Variants in LRRC75A observed in about 807,000 individuals in gnomAD.
LRRC75A encodes the protein leucine-rich repeat-containing protein 75A.
Under a neutral mutation model 26.0 loss-of-function variants are expected in LRRC75A, and 12 were observed. The ratio of observed to expected loss-of-function variants is 0.46; its 90% CI spans 0.30 to 0.75. LRRC75A has a LOEUF of 0.75. Ranked by LOEUF, LRRC75A falls within the 30% of genes least tolerant of loss-of-function variation. The pLI, the probability that LRRC75A is intolerant of heterozygous loss-of-function variation, is 0.08. For missense variants in LRRC75A, 410 were observed against 486.6 expected (o/e 0.84, Z 1.48); for synonymous variants, 223 against 219.3 (o/e 1.02, Z -0.15).
intron 3 of LRRC75A, chr17:16,446,962 A>G (rs113956786): frequency 6.5e-5 from 24 of 371,678 alleles, no homozygotes; most frequent in African/African-American, 4.5e-4. Flanking sequence ...CCAGAACAGA[A>G]GGAGGCACCA....
intron 1 of LRRC75A, among the ~76,000 whole-genome samples, chr17:16,480,050 G>T (rs574662649): frequency 6.6e-6 from 1 of 152,180 alleles, no homozygotes; most frequent in South Asian, 2.1e-4. Context: ...ACCTGCACAC[G>T]TGAGGGATCT....
At chr17:16,455,774 G>A (rs73980134) in intron 2 of LRRC75A, among the ~76,000 whole-genome samples, 2,315 of 152,330 alleles carry the variant, frequency 0.015, 58 homozygotes, top group African/African-American at 0.052. Flanking sequence ...CTCCCAGCTT[G>A]TAAGACGGAG....
At chr17:16,481,157 G>C (rs1361396042) in intron 1 of LRRC75A, among the ~76,000 whole-genome samples, 1 of 152,214 alleles carries the variant, frequency 6.6e-6, no homozygotes, top group African/African-American at 2.4e-5. Flanking sequence ...CCTCAGCGCT[G>C]CCTGTCCTCT....
chr17:16,445,994 C>T (rs143174328), intron 3 of LRRC75A, among the ~76,000 whole-genome samples: 4 of 152,278 alleles, frequency 2.6e-5, no homozygotes, highest in East Asian at 3.9e-4. Context: ...CTGCAACTTC[C>T]GCCTCCCAGG....
chr17:16,480,651 A>AC (rs1653549709), intron 1 of LRRC75A, among the ~76,000 whole-genome samples: 1 of 151,750 alleles, frequency 6.6e-6, no homozygotes, highest in Non-Finnish European at 1.5e-5. Flanking sequence ...AACAAAAAAA[A>AC]AAAACTGGAG....
chr17:16,446,598 G>A (rs777868637), intron 3 of LRRC75A, among the ~76,000 whole-genome samples: 10 of 152,214 alleles, frequency 6.6e-5, no homozygotes, highest in East Asian at 1.9e-4. Flanking sequence ...AGAGGCCCAT[G>A]CTTGGATTTC....
chr17:16,462,657 C>G lies in LRRC75A; in HGVS notation c.247-271G>C, dbSNP rs1381080187. Among the ~76,000 whole-genome samples the G allele has an allele frequency of 6.6e-6, 1 of 152,350 alleles. No individual in the cohort carries two copies. The highest frequency in any genetic ancestry group is 1.9e-4 in the East Asian group (1 of 5,188). On this transcript the variant is annotated intron_variant, in intron 1 of 3. Transcript: ENST00000470794. This position sits in a 1 kb window ranked among gnomAD's most constrained non-coding sequence, Gnocchi z 4.6. ...GCCCTCTCCTAGGACAGCCCCTGAC[C>G]TTTGTCTCTCTGGTTTTCCAGAGGA...
At chr17:16,466,614 G>T (rs2093770681) in intron 1 of LRRC75A, among the ~76,000 whole-genome samples, 1 of 152,174 alleles carries the variant, frequency 6.6e-6, no homozygotes, top group Non-Finnish European at 1.5e-5. Context: ...ACTGCTGGTG[G>T]GGAGTGACGC....
intron 1 of LRRC75A, among the ~76,000 whole-genome samples, chr17:16,475,935 G>C (rs1177527937): frequency 6.6e-6 from 1 of 152,008 alleles, no homozygotes; most frequent in Non-Finnish European, 1.5e-5. Context: ...GCTCATGCCT[G>C]TAATCCCAGC....
intron 1 of LRRC75A, among the ~76,000 whole-genome samples, chr17:16,477,906 G>A (rs117043115): frequency 7.0e-4 from 106 of 152,170 alleles, no homozygotes; most frequent in East Asian, 5.4e-3. Context: ...CTACAGCTTC[G>A]AGACACCGGG....
At chr17:16,479,246 C>T (rs1414340810) in intron 1 of LRRC75A, among the ~76,000 whole-genome samples, 1 of 152,238 alleles carries the variant, frequency 6.6e-6, no homozygotes, top group Non-Finnish European at 1.5e-5. Context: ...AGAAGATTCC[C>T]AATTGCTTCA....
Position 16,441,654 on chromosome 17 carries a change from T to C in LRRC75A, c.*1934A>G, listed in dbSNP as rs1379088639. 2 of 336,584 alleles carry C rather than the reference T, an allele frequency of 5.9e-6. No individual in the cohort carries two copies. The highest frequency in any genetic ancestry group is 4.4e-5 in the African/African-American group (2 of 45,926). 20.8% of individuals were successfully genotyped at this position (336,584 alleles called of 1,614,324 possible). ...GGTGGCACAATCACAGCTCATTGCA[T>C]CCTCAATCACCCAGGCCTAAGCAAT... On this transcript the variant is annotated 3_prime_UTR_variant, in exon 4 of 4. Transcript: ENST00000470794.
chr17:16,449,944 T>C (rs2093617328), intron 2 of LRRC75A, among the ~76,000 whole-genome samples: 1 of 151,968 alleles, frequency 6.6e-6, no homozygotes, highest in African/African-American at 2.4e-5. Context: ...AGCAGATGGG[T>C]TAGTGATTTC....
chr17:16,479,284 A>C (rs1601198076), intron 1 of LRRC75A, among the ~76,000 whole-genome samples: 1 of 152,230 alleles, frequency 6.6e-6, no homozygotes, highest in African/African-American at 2.4e-5. Context: ...AAAGAGGGCA[A>C]GTACCCGCCT....
At chr17:16,481,027 C>T (rs11870465) in intron 1 of LRRC75A, among the ~76,000 whole-genome samples, 16,188 of 152,268 alleles carry the variant, frequency 0.11, 982 homozygotes, top group Middle Eastern at 0.15. Flanking sequence ...CATCTCAGCT[C>T]TGACTGCAGC....
intron 1 of LRRC75A, among the ~76,000 whole-genome samples, chr17:16,484,208 C>A (rs1338719324): frequency 6.6e-6 from 1 of 151,978 alleles, no homozygotes; most frequent in East Asian, 1.9e-4. Flanking sequence ...TGGTGGTGTG[C>A]GCATATAATC....
intron 2 of LRRC75A, among the ~76,000 whole-genome samples, chr17:16,453,013 G>A (rs2093645284): frequency 6.6e-6 from 1 of 152,032 alleles, no homozygotes; most frequent in Non-Finnish European, 1.5e-5. Flanking sequence ...AATAGAGGCC[G>A]GGCGCGGTAG....
intron 1 of LRRC75A, among the ~76,000 whole-genome samples, chr17:16,471,911 G>C (rs1008706439): frequency 6.6e-6 from 1 of 152,154 alleles, no homozygotes; most frequent in Non-Finnish European, 1.5e-5. Context: ...TGCTGGGACT[G>C]GGGAAGGGGG....
At chr17:16,458,282 A>G (rs1568964386) in intron 2 of LRRC75A, among the ~76,000 whole-genome samples, 1 of 152,002 alleles carries the variant, frequency 6.6e-6, no homozygotes, top group Non-Finnish European at 1.5e-5. Flanking sequence ...ACTCCAGCCT[A>G]GGTGATACAG....
Sources: gnomAD v4.1 joint callset for allele counts (sites outside exome capture counted in the v4.1 genomes callset) on GRCh38, gnomAD v4.1.1 for gene constraint, Gnocchi (gnomAD v3.1) non-coding constraint, MANE v1.5 for transcripts, NCBI Gene and HGNC (gene_info 2026-07-23, HGNC 2026-07-21) for gene names.